The following FBXL17 variants were observed in gnomAD, a reference collection of about 807,000 sequenced individuals.
FBXL17 encodes F-box/LRR-repeat protein 17.
In FBXL17, 22 loss-of-function variants were observed where a neutral mutation model predicts 66.2. The ratio of observed to expected loss-of-function variants is 0.33; its 90% CI spans 0.24 to 0.47. FBXL17 has a LOEUF of 0.47. Among genes scored for constraint, FBXL17 ranks in the 20% least tolerant of loss-of-function variants. The pLI is 1.00. For missense variants in FBXL17, 878 were observed against 948.2 expected, an observed-to-expected ratio of 0.93 and a Z score of 0.97; for synonymous variants, 474 against 400.5, an observed-to-expected ratio of 1.18 and a Z score of -2.19.
chr5:108,351,887 T>C (rs1440699162), intron 3 of FBXL17, among the ~76,000 whole-genome samples: 2 of 152,248 alleles, frequency 1.3e-5, no homozygotes, highest in Middle Eastern at 3.2e-3. Flanking sequence ...GACAAGTTGG[T>C]AGAACCTCAG....
chr5:107,944,461 G>A (rs867379467), intron 7 of FBXL17, among the ~76,000 whole-genome samples: 4 of 151,932 alleles, frequency 2.6e-5, no homozygotes, highest in African/African-American at 4.8e-5. Context: ...AAACCAAAAC[G>A]TTACTCTCCA....
chr5:107,906,801 C>T (rs939503816), intron 7 of FBXL17, among the ~76,000 whole-genome samples: 8 of 152,100 alleles, frequency 5.3e-5, no homozygotes, highest in African/African-American at 4.8e-5. Context: ...AGTGGAATAC[C>T]GTTTCATTTA....
chr5:108,055,316 A>C (rs1223191489), intron 6 of FBXL17, among the ~76,000 whole-genome samples: 5 of 102,426 alleles, frequency 4.9e-5, no homozygotes, highest in Admixed American at 1.0e-4. Context: ...AAAAAAAAGA[A>C]AAACGCTTCA....
chr5:107,966,507 A>T (rs1752146814), intron 7 of FBXL17, among the ~76,000 whole-genome samples: 2 of 152,236 alleles, frequency 1.3e-5, no homozygotes, highest in Middle Eastern at 3.4e-3. Context: ...ATACTTTTCA[A>T]GCAATCCCTG....
In FBXL17 at chr5:108,007,923, G is replaced by A. The variant is rs563844225; in HGVS notation, c.1822+13002C>T. On this transcript the variant is annotated intron_variant, in intron 7 of 8. Coordinates refer to ENST00000542267, the MANE Select transcript of FBXL17 (RefSeq NM_001163315.3). ...TCTAGAATCAGCATGTTCCTCCACC[G>A]AATGATGAATGTGATGGATAATGTT... 1.4e-3 allele frequency among the ~76,000 whole-genome samples: 210 copies of A among 152,242 alleles called. 1 individual carries two copies. The highest frequency in any genetic ancestry group is 4.8e-3 in the African/African-American group (198 of 41,542).
chr5:108,190,992 A>C (rs1753449152), intron 5 of FBXL17, among the ~76,000 whole-genome samples: 1 of 152,208 alleles, frequency 6.6e-6, no homozygotes. Context: ...GTATCACAGG[A>C]AAATAAGAAA....
chr5:108,198,809 A>C (rs962043340), intron 5 of FBXL17, among the ~76,000 whole-genome samples: 3 of 152,204 alleles, frequency 2.0e-5, no homozygotes, highest in Non-Finnish European at 4.4e-5. Flanking sequence ...AATGAGCTAA[A>C]ATTCTAGGTT....
chr5:108,201,564 T>C (rs550095948), intron 5 of FBXL17, among the ~76,000 whole-genome samples: 3 of 152,286 alleles, frequency 2.0e-5, no homozygotes, highest in African/African-American at 7.2e-5. Flanking sequence ...TTGGATTATA[T>C]TTAACTCTGT....
chr5:108,074,153 T>TA (rs1748452277), intron 6 of FBXL17, among the ~76,000 whole-genome samples: 1 of 152,206 alleles, frequency 6.6e-6, no homozygotes, highest in South Asian at 2.1e-4. Flanking sequence ...AGTGTACACA[T>TA]TAATATGAGC....
intron 4 of FBXL17, among the ~76,000 whole-genome samples, chr5:108,328,380 C>T (rs755146070): frequency 7.2e-5 from 11 of 151,858 alleles, no homozygotes; most frequent in Non-Finnish European, 1.3e-4. Flanking sequence ...TGTAGAAAGA[C>T]GTGCCTCTTG....
intron 6 of FBXL17, among the ~76,000 whole-genome samples, chr5:108,058,109 T>C (rs776193356): frequency 4.6e-5 from 7 of 152,222 alleles, no homozygotes; most frequent in Non-Finnish European, 8.8e-5. Context: ...TAAAGTTACC[T>C]AACATTAGTG....
At chr5:107,983,963 G>A (rs1318171893) in intron 7 of FBXL17, among the ~76,000 whole-genome samples, 2 of 151,392 alleles carry the variant, frequency 1.3e-5, no homozygotes, top group African/African-American at 4.9e-5. Flanking sequence ...TTGACGCCCA[G>A]AAAACAAAAG....
intron 7 of FBXL17, among the ~76,000 whole-genome samples, chr5:107,950,179 A>C (rs1751450447): frequency 6.6e-6 from 1 of 152,136 alleles, no homozygotes; most frequent in Non-Finnish European, 1.5e-5. Flanking sequence ...CAAGAAAAAG[A>C]CAGAAGTCCC....
chr5:108,212,133 G>A (rs183326215), intron 5 of FBXL17, among the ~76,000 whole-genome samples: 21 of 152,076 alleles, frequency 1.4e-4, no homozygotes, highest in African/African-American at 4.6e-4. Flanking sequence ...TGAAACTTGC[G>A]TATGCTTCAT....
intron 4 of FBXL17, among the ~76,000 whole-genome samples, chr5:108,257,758 A>G (rs1756635971): frequency 6.6e-6 from 1 of 152,162 alleles, no homozygotes. Flanking sequence ...AATGTCTTCC[A>G]TAAGGATTTA....
At chr5:107,976,648 T>G (rs527772512) in intron 7 of FBXL17, among the ~76,000 whole-genome samples, 1 of 152,256 alleles carries the variant, frequency 6.6e-6, no homozygotes, top group East Asian at 1.9e-4. Flanking sequence ...ATGTGAGATA[T>G]GAGTAGAAAA....
At chr5:107,883,980 C>T (rs771181185) in intron 7 of FBXL17, among the ~76,000 whole-genome samples, 5 of 152,054 alleles carry the variant, frequency 3.3e-5, no homozygotes, top group Admixed American at 6.5e-5. Context: ...ACAAGTGAGC[C>T]GCAGGTATTC....
At chr5:108,041,073 G>C (rs1039685906) in intron 6 of FBXL17, among the ~76,000 whole-genome samples, 3 of 152,118 alleles carry the variant, frequency 2.0e-5, no homozygotes, top group Non-Finnish European at 4.4e-5. Context: ...GACTTCATGG[G>C]ATTGTTGGGA....
intron 7 of FBXL17, among the ~76,000 whole-genome samples, chr5:107,919,186 G>C (rs996447879): frequency 6.6e-6 from 1 of 152,120 alleles, no homozygotes; most frequent in African/African-American, 2.4e-5. Context: ...CCTTATCTTG[G>C]CTACATAATA....
Sources: allele counts gnomAD v4.1 joint callset (sites outside exome capture counted in the v4.1 genomes callset), GRCh38; gene constraint gnomAD v4.1.1; transcripts MANE v1.5; gene names NCBI Gene and HGNC (gene_info 2026-07-23, HGNC 2026-07-21).